The following GUSB variants were observed in gnomAD, a reference collection of about 807,000 sequenced individuals.
GUSB encodes the protein beta-glucuronidase.
GUSB carries 51 observed loss-of-function variants against 74.6 expected under a neutral mutation model. The ratio of observed to expected loss-of-function variants is 0.68; its 90% CI spans 0.55 to 0.86. GUSB has a LOEUF of 0.86. Among genes scored for constraint, GUSB ranks in the 40% least tolerant of loss-of-function variants. The pLI is 0.00. For synonymous variants in GUSB, 360 were observed against 348.3 expected, an observed-to-expected ratio of 1.03 and a Z score of -0.37; for missense variants, 736 against 853.7, an observed-to-expected ratio of 0.86 and a Z score of 1.72.
At position 65,979,820 on chromosome 7, in the gene GUSB, G is replaced by T. The variant is rs1791867368; in HGVS notation, c.488C>A (p.Pro163His). The change falls in exon 3 of 12, where the codon CCC (proline) becomes CAC (histidine). Residue 163 changes from proline (P) to histidine (H), a missense_variant. Pro to His is a moderately conservative substitution (Grantham distance 77). Around this residue, in one of 2 missense-constraint regions of GUSB, gnomAD observed 368 missense variants for 363.8 expected, o/e 1.01. Transcript: ENST00000304895. ...GGCGATAGTGATTCGGAGCCGGGAG[G>T]GCAGGGGCCCCACCTGGACCAGGTT... is the stretch of plus-strand genomic sequence containing the variant. Reference protein sequence around the residue: ...ISNLVQVGPLPSRLRITIAIN... With the variant: ...ISNLVQVGPLHSRLRITIAIN... 2 of 1,613,764 alleles carry T rather than the reference G, an allele frequency of 1.2e-6. No homozygotes were observed. The highest frequency in any genetic ancestry group is 1.7e-6 in the Non-Finnish European group (2 of 1,179,970).
chr7:65,979,311 G>T, intron 4 of GUSB, 88 bp downstream of exon 4: 1 of 1,268,800 alleles, frequency 7.9e-7, no homozygotes, highest in Non-Finnish European at 1.2e-6. Context: ...GATGCTGGGA[G>T]CACCTTTTTC....
chr7:65,975,949 G>C (rs776687395), intron 5 of GUSB, 66 bp downstream of exon 5: 20 of 1,395,166 alleles, frequency 1.4e-5, no homozygotes, highest in Non-Finnish European at 1.9e-5. Flanking sequence ...TTGGGCTCCT[G>C]CTGAAGCCAG....
chr7:65,975,451 C>G (rs1791505485), intron 5 of GUSB: 1 of 312,826 alleles, frequency 3.2e-6, no homozygotes, highest in African/African-American at 2.2e-5. Flanking sequence ...GTGGTGTGAT[C>G]TCAGCTCACT....
At chr7:65,969,449 G>A (rs1051515377) in intron 9 of GUSB, among the ~76,000 whole-genome samples, 5 of 152,056 alleles carry the variant, frequency 3.3e-5, no homozygotes, top group Non-Finnish European at 5.9e-5. Context: ...TGTAATCACA[G>A]CACTTTGGGA....
In GUSB at chr7:65,979,894, G is replaced by A. The variant is rs1444763456; in HGVS notation, c.414C>T (p.Asp138=). 3.7e-6 allele frequency: 6 copies of A among 1,604,206 alleles called. No homozygotes were observed. In the Admixed American group the frequency reaches 6.9e-5, roughly 18 times the overall value. The change falls in exon 3 of 12, where the codon GAC becomes GAT. Residue 138 remains aspartate (D), a synonymous_variant. Coordinates refer to ENST00000304895, the MANE Select transcript of GUSB (RefSeq NM_000181.4). Reference sequence around the variant, plus strand: ...GGTAGCCCCCCTCATGCTCTAGCGTGTCGACCCCATTCACCCACTGCAGAC... The same window carrying A: ...GGTAGCCCCCCTCATGCTCTAGCGTATCGACCCCATTCACCCACTGCAGAC... ...SYAIVWVNGV[D]TLEHEGGYLP...
rs758127615 is a variant in GUSB, at chr7:65,980,387, G to A, written c.233C>T (p.Pro78Leu). 6.2e-7 allele frequency: 1 copy of A among 1,613,680 alleles called. No homozygotes were observed. Among genetic ancestry groups the A allele is most frequent in the East Asian group, 2.2e-5 (1 of 44,862 alleles). Residue 78 changes from proline to leucine, a missense_variant, in exon 2 of 12, where the codon CCA becomes CTA. Physicochemically the swap from Pro to Leu is moderately conservative, Grantham distance 98. This residue lies in a region of GUSB where 368 missense variants were observed against 363.8 expected (regional missense o/e 1.01). Coordinates refer to ENST00000304895, the MANE Select transcript of GUSB (RefSeq NM_000181.4). ...LWESGPTVDM[P>L]VPSSFNDISQ... ...GATGTCATTGAAGCTGGAGGGAACT[G>A]GCATGTCCACGGTGGGGCCTGACTG...
chr7:65,970,689 C>T (rs562454635), intron 8 of GUSB, among the ~76,000 whole-genome samples: 20 of 151,786 alleles, frequency 1.3e-4, no homozygotes, highest in Non-Finnish European at 2.8e-4. Context: ...GTCAGGAGAT[C>T]GATACCATCC....
chr7:65,964,232 A>G (rs1790681885), intron 11 of GUSB, 91 bp downstream of exon 11: 2 of 1,141,102 alleles, frequency 1.8e-6, no homozygotes, highest in Non-Finnish European at 2.7e-6. Flanking sequence ...TTTGTTTCCA[A>G]TATTCTTACA....
In GUSB at chr7:65,974,354, C is replaced by T. The variant is rs2115950017; in HGVS notation, c.1332G>A (p.Val444=). 1 of 1,614,198 alleles carries T rather than the reference C, an allele frequency of 6.2e-7. No individual in the cohort carries two copies. The highest frequency in any genetic ancestry group is 2.2e-5 in the East Asian group (1 of 44,864). The part of the protein sequence containing the change: ...VRRDKNHPAV[V]MWSVANEPAS... ...CAGGCTCGTTGGCCACAGACCACAT[C>T]ACGACCGCGGGGTGGTTCTTGTCCC... Residue 444 remains valine, a synonymous_variant, in exon 8 of 12, where the codon GTG becomes GTA. Coordinates refer to ENST00000304895, the MANE Select transcript of GUSB (RefSeq NM_000181.4).
Position 65,979,804 on chromosome 7 carries a change from G to A in GUSB, c.504C>T (p.Ile168=). 1.2e-6 allele frequency: 2 copies of A among 1,613,822 alleles called. No individual in the cohort carries two copies. Among genetic ancestry groups the A allele is most frequent in the Non-Finnish European group, 1.7e-6 (2 of 1,179,996 alleles). Residue 168 remains isoleucine, a synonymous_variant, in exon 3 of 12, where the codon ATC becomes ATT. Transcript: ENST00000304895. The part of the protein sequence containing the change: ...QVGPLPSRLR[I]TIAINNTLTP... ...TGAGTGTGTTGTTGATGGCGATAGT[G>A]ATTCGGAGCCGGGAGGGCAGGGGCC...
At chr7:65,967,345 T>C (rs1471919642) in intron 10 of GUSB, among the ~76,000 whole-genome samples, 1 of 152,122 alleles carries the variant, frequency 6.6e-6, no homozygotes, top group African/African-American at 2.4e-5. Context: ...TCCCAGCTAC[T>C]CAGGAGGCTG....
chr7:65,974,034 T>C (rs1038687558), intron 8 of GUSB, among the ~76,000 whole-genome samples: 1 of 150,348 alleles, frequency 6.7e-6, no homozygotes, highest in African/African-American at 2.5e-5. Context: ...GAGGCAGAGG[T>C]TGTAATGAGC....
chr7:65,961,866 G>A (rs1232126162), intron 11 of GUSB, among the ~76,000 whole-genome samples: 1 of 152,080 alleles, frequency 6.6e-6, no homozygotes, highest in East Asian at 1.9e-4. Flanking sequence ...TACAGGCATG[G>A]TGGTGGGTGC....
chr7:65,970,954 C>T (rs1403508501), intron 8 of GUSB, among the ~76,000 whole-genome samples: 1 of 151,708 alleles, frequency 6.6e-6, no homozygotes, highest in Non-Finnish European at 1.5e-5. Flanking sequence ...TCTTCCCTAA[C>T]TTGAGATGTA....
In GUSB at chr7:65,979,723, C is replaced by T; in HGVS notation, c.581+4G>A. ...GTGTGCAATGGAGGCAGGATGGTAC[C>T]CACTTGGAGGTGTCAGTCAGGTATT... On this transcript the variant is annotated splice_donor_region_variant and intron_variant, in intron 3 of 11. Transcript: ENST00000304895. The T allele has an allele frequency of 6.2e-7, 1 of 1,613,340 alleles. No homozygotes were observed. The highest frequency in any genetic ancestry group is 2.2e-5 in the East Asian group (1 of 44,860).
At chr7:65,966,158 G>A (rs1189243160) in intron 10 of GUSB, among the ~76,000 whole-genome samples, 14 of 150,844 alleles carry the variant, frequency 9.3e-5, no homozygotes, top group Admixed American at 5.3e-4. Context: ...CAACGAGAGC[G>A]AAACTCTGTG....
intron 10 of GUSB, 92 bp downstream of exon 10, chr7:65,967,639 G>A: frequency 2.9e-6 from 3 of 1,049,750 alleles, no homozygotes; most frequent in South Asian, 1.3e-5. Flanking sequence ...GAAGCGAGGG[G>A]AGCAGTGCAG....
At chr7:65,964,013 G>T (rs1159093457) in intron 11 of GUSB, 2 of 414,966 alleles carry the variant, frequency 4.8e-6, no homozygotes, top group Non-Finnish European at 9.0e-6. Flanking sequence ...TCCATGATGA[G>T]GTCCCGTTTT....
At chr7:65,976,331 A>AT (rs900925917) in intron 4 of GUSB, 129 bp from the exon 5 acceptor site, 30,759 of 502,624 alleles carry the variant, frequency 0.061, no homozygotes, top group East Asian at 0.084. Flanking sequence ...TTAATTTCTT[A>AT]TTTTTTTTTT....
Sources: gnomAD v4.1 joint callset for allele counts (sites outside exome capture counted in the v4.1 genomes callset) on GRCh38, gnomAD v4.1.1 for gene constraint, gnomAD v4.1.1 regional missense constraint, MANE v1.5 for transcripts, NCBI Gene and HGNC (gene_info 2026-07-23, HGNC 2026-07-21) for gene names.